The following NTRK2 variants were observed in gnomAD, a reference collection of about 807,000 sequenced individuals.
NTRK2 encodes BDNF/NT-3 growth factors receptor.
NTRK2 carries 13 observed loss-of-function variants against 94.5 expected under a neutral mutation model. That is an observed-to-expected ratio of 0.14 (90% confidence interval 0.09 to 0.22). NTRK2 has a LOEUF of 0.22. NTRK2 is among the 10% of genes least tolerant of loss of function. The pLI is 1.00. For missense variants in NTRK2, 639 were observed against 1,071.2 expected (o/e 0.60, Z 5.63); for synonymous variants, 372 against 407.4 (o/e 0.91, Z 1.05).
At chr9:84,875,550 C>T in intron 14 of NTRK2, 1 of 1,063,348 alleles carries the variant, frequency 9.4e-7, no homozygotes. Flanking sequence ...CCCTAGCTAG[C>T]TCCTTTCAAA....
At chr9:84,827,154 A>G (rs1474198883) in intron 12 of NTRK2, among the ~76,000 whole-genome samples, 3 of 152,182 alleles carry the variant, frequency 2.0e-5, no homozygotes, top group African/African-American at 4.8e-5. Context: ...TTCTATGGGG[A>G]ACTAATATCA....
intron 16 of NTRK2, among the ~76,000 whole-genome samples, chr9:84,953,131 C>T (rs2132945848): frequency 6.6e-6 from 1 of 152,244 alleles, no homozygotes; most frequent in East Asian, 1.9e-4. Context: ...TTCCCCTGAC[C>T]CCTCAGTGCT....
chr9:84,941,947 G>C (rs562870541), intron 15 of NTRK2, among the ~76,000 whole-genome samples: 5 of 152,302 alleles, frequency 3.3e-5, no homozygotes, highest in African/African-American at 1.2e-4. Context: ...TGTTAGATCT[G>C]AGCTGGAAGA....
rs1211112187 is a variant in NTRK2, at chr9:84,938,535, T to G, written c.1764+4243T>G. The stretch of plus-strand genomic sequence containing the variant: ...TTGTCCTTTATAGCATTTGTCAATA[T>G]TTTAAAATTATATATATATATTTCT... On this transcript the variant is annotated intron_variant, in intron 15 of 18. Coordinates refer to ENST00000277120, the MANE Select transcript of NTRK2 (RefSeq NM_006180.6). Among the ~76,000 whole-genome samples the G allele has an allele frequency of 5.9e-5, 9 of 152,298 alleles. No homozygotes were observed. In the East Asian group the frequency reaches 1.7e-3, roughly 29 times the overall value.
intron 2 of NTRK2, among the ~76,000 whole-genome samples, chr9:84,673,187 C>G (rs1432293946): frequency 6.6e-6 from 1 of 152,140 alleles, no homozygotes; most frequent in Non-Finnish European, 1.5e-5. Context: ...ACTCGTATGA[C>G]AATACTTCTT....
chr9:84,876,984 T>A (rs200521177), intron 14 of NTRK2: 6 of 1,060,936 alleles, frequency 5.7e-6, no homozygotes, highest in Non-Finnish European at 6.8e-6. Context: ...CTCATTTTCT[T>A]AGTAAGATAT....
At chr9:84,721,510 A>T (rs141034652) in intron 6 of NTRK2, among the ~76,000 whole-genome samples, 3 of 152,274 alleles carry the variant, frequency 2.0e-5, no homozygotes, top group African/African-American at 7.2e-5. Flanking sequence ...CTCCATTGAG[A>T]CAATTACAGC....
rs117602844 is a variant in NTRK2, at chr9:84,944,880, A to G, written c.1765-3582A>G. ...TACCAAGGAAAACATCCCAACTTAC[A>G]CTACCTTGCATCATTATCCTTGTGT... On this transcript the variant is annotated intron_variant, in intron 15 of 18. Coordinates refer to ENST00000277120, the MANE Select transcript of NTRK2 (RefSeq NM_006180.6). Among the ~76,000 whole-genome samples, 743 of 152,344 alleles carry G rather than the reference A, an allele frequency of 4.9e-3. 2 individuals carry two copies. The highest frequency in any genetic ancestry group is 0.032 in the South Asian group (156 of 4,822).
At chr9:84,895,740 C>T (rs1024335184) in intron 14 of NTRK2, among the ~76,000 whole-genome samples, 16 of 152,176 alleles carry the variant, frequency 1.1e-4, no homozygotes, top group Admixed American at 6.5e-4. Flanking sequence ...GGCTTGCCTT[C>T]GCAGGATCTC....
chr9:84,752,033 G>A lies in NTRK2; in HGVS notation c.1344G>A (p.Leu448=), dbSNP rs769197868. ...CGTCTGTGGTGGGATTTTGCCTTTT[G>A]GTAATGCTGTTTCTGCTTAAGTTGG... ...VIASVVGFCL[L]VMLFLLKLAR... The change falls in exon 12 of 19, where the codon TTG becomes TTA. Residue 448 remains leucine (L), a synonymous_variant. Coordinates refer to ENST00000277120, the MANE Select transcript of NTRK2 (RefSeq NM_006180.6). 4 of 1,613,852 alleles carry A rather than the reference G, an allele frequency of 2.5e-6. No homozygotes were observed. In the Admixed American group the frequency reaches 6.7e-5, roughly 27 times the overall value.
intron 14 of NTRK2, among the ~76,000 whole-genome samples, chr9:84,890,918 A>C (rs1360277845): frequency 6.6e-6 from 1 of 152,216 alleles, no homozygotes; most frequent in East Asian, 1.9e-4. Flanking sequence ...GCTTTCTTCA[A>C]TTGTAATATA....
intron 8 of NTRK2, among the ~76,000 whole-genome samples, chr9:84,726,068 A>G (rs1412980808): frequency 3.3e-5 from 5 of 152,246 alleles, no homozygotes; most frequent in Non-Finnish European, 5.9e-5. Flanking sequence ...GCTTTCTATT[A>G]AAAATATCCA....
Position 85,022,574 on chromosome 9 carries a change from C to T in NTRK2, c.*1137C>T, listed in dbSNP as rs201210531. ...AATGAACTTTTCAGATCTCACTTCCCTCCGACCCCTAACTTCCATGCCCAC... is the reference window on the plus strand; with the variant it reads ...AATGAACTTTTCAGATCTCACTTCCTTCCGACCCCTAACTTCCATGCCCAC... On this transcript the variant is annotated 3_prime_UTR_variant, in exon 19 of 19. Transcript: ENST00000277120. 26 of 233,128 alleles carry T rather than the reference C, an allele frequency of 1.1e-4. No homozygotes were observed. The highest frequency in any genetic ancestry group is 2.0e-4 in the Non-Finnish European group (24 of 118,036). 14.4% of individuals were successfully genotyped at this position (233,128 alleles called of 1,614,324 possible).
intron 2 of NTRK2, among the ~76,000 whole-genome samples, chr9:84,698,609 T>C (rs575829104): frequency 1.3e-5 from 2 of 152,338 alleles, no homozygotes; most frequent in Admixed American, 6.5e-5. Flanking sequence ...TTTTCCAAGA[T>C]ACAGGCCAAG....
intron 13 of NTRK2, among the ~76,000 whole-genome samples, chr9:84,864,128 C>T (rs374084273): frequency 1.3e-5 from 2 of 152,160 alleles, no homozygotes; most frequent in East Asian, 3.8e-4. Flanking sequence ...TAGGTATCAG[C>T]CTCCTCAAAA....
chr9:84,891,128 T>C (rs1180415686), intron 14 of NTRK2, among the ~76,000 whole-genome samples: 1 of 152,020 alleles, frequency 6.6e-6, no homozygotes, highest in Non-Finnish European at 1.5e-5. Context: ...TGGCCGATAG[T>C]TGGTGATTGC....
chr9:84,959,561 G>A (rs1824631090), intron 17 of NTRK2, among the ~76,000 whole-genome samples: 1 of 152,212 alleles, frequency 6.6e-6, no homozygotes, highest in African/African-American at 2.4e-5. Context: ...CTGCCTCCAG[G>A]CGTCCACCCT....
At chr9:84,942,032 G>A (rs1169507431) in intron 15 of NTRK2, among the ~76,000 whole-genome samples, 1 of 152,092 alleles carries the variant, frequency 6.6e-6, no homozygotes, top group Non-Finnish European at 1.5e-5. Flanking sequence ...TTGTCACTTG[G>A]TACATAATTA....
chr9:84,911,432 A>C (rs2077232609), intron 14 of NTRK2, among the ~76,000 whole-genome samples: 1 of 152,188 alleles, frequency 6.6e-6, no homozygotes, highest in African/African-American at 2.4e-5. Flanking sequence ...AGGAGTTATT[A>C]ACCACAAATT....
Sources: gnomAD v4.1 joint callset for allele counts (sites outside exome capture counted in the v4.1 genomes callset) on GRCh38, gnomAD v4.1.1 for gene constraint, MANE v1.5 for transcripts, NCBI Gene and HGNC (gene_info 2026-07-23, HGNC 2026-07-21) for gene names.